The following PTPRN2 variants were observed in gnomAD, a reference collection of about 807,000 sequenced individuals.
PTPRN2 encodes the protein receptor-type tyrosine-protein phosphatase N2.
Under a neutral mutation model 118.8 loss-of-function variants are expected in PTPRN2, and 74 were observed. The observed-to-expected ratio is 0.62, with a 90% confidence interval of 0.52 to 0.76. The LOEUF (loss-of-function observed/expected upper bound fraction) is 0.76, where lower values mean the gene tolerates loss of function less well. Ranked by LOEUF, PTPRN2 falls within the 30% of genes least tolerant of loss-of-function variation. PTPRN2 has a pLI of 0.00. For missense variants in PTPRN2, 1,481 were observed against 1,394.4 expected, an observed-to-expected ratio of 1.06 and a Z score of -0.99; for synonymous variants, 641 against 608.0, an observed-to-expected ratio of 1.05 and a Z score of -0.80.
chr7:158,241,665 A>C (rs1332851401), intron 3 of PTPRN2, among the ~76,000 whole-genome samples: 1 of 152,252 alleles, frequency 6.6e-6, no homozygotes, highest in Non-Finnish European at 1.5e-5. Flanking sequence ...TGTTTTGGGC[A>C]TACCAGGAAA....
chr7:158,047,191 C>T (rs1481386960), intron 11 of PTPRN2, among the ~76,000 whole-genome samples: 1 of 152,204 alleles, frequency 6.6e-6, no homozygotes, highest in Admixed American at 6.5e-5. Context: ...CAGATGAATA[C>T]AACAGTCCCC....
chr7:157,579,109 G>A (rs1392358710), intron 17 of PTPRN2, among the ~76,000 whole-genome samples: 8 of 152,262 alleles, frequency 5.3e-5, no homozygotes, highest in Admixed American at 2.0e-4. Flanking sequence ...TGCTGTCATC[G>A]TAGCGCATGT....
At position 158,587,762 on chromosome 7, in the gene PTPRN2, G is replaced by A. The variant is rs1199411150; in HGVS notation, c.-93C>T. ...GGGCCCAGGGAGGCGCGCGCCGCCGGCTCCTCCCGCCGCGCCTCTCGCGCT... is the reference window on the plus strand; with the variant it reads ...GGGCCCAGGGAGGCGCGCGCCGCCGACTCCTCCCGCCGCGCCTCTCGCGCT... On this transcript the variant is annotated 5_prime_UTR_variant, in exon 1 of 23. Transcript: ENST00000389418. The A allele has an allele frequency of 1.1e-5, 11 of 1,039,108 alleles. No homozygotes were observed. The highest frequency in any genetic ancestry group is 1.3e-5 in the Non-Finnish European group (11 of 866,342). 64.4% of individuals were successfully genotyped at this position (1,039,108 alleles called of 1,614,324 possible).
In PTPRN2 at chr7:158,093,847, T is replaced by A. The variant is rs796254872; in HGVS notation, c.1644-12470A>T. On this transcript the variant is annotated intron_variant, in intron 10 of 22. Transcript: ENST00000389418. This position sits in a 1 kb window ranked among gnomAD's most constrained non-coding sequence, Gnocchi z 4.4. ...AAGAGAGAACCAATTCTTATTTGAA[T>A]GTATGAGGAAACAAAGACACACACA... 1.8e-4 allele frequency among the ~76,000 whole-genome samples: 28 copies of A among 152,284 alleles called. No homozygotes were observed. Among genetic ancestry groups the A allele is most frequent in the African/African-American group, 6.7e-4 (28 of 41,582 alleles).
intron 12 of PTPRN2, among the ~76,000 whole-genome samples, chr7:157,695,337 G>C (rs145077194): frequency 3.3e-5 from 5 of 152,048 alleles, no homozygotes; most frequent in African/African-American, 1.2e-4. Context: ...TGAGACTCTT[G>C]ATTTCAGAAG....
intron 2 of PTPRN2, among the ~76,000 whole-genome samples, chr7:158,478,216 G>C (rs539064125): frequency 6.6e-6 from 1 of 152,216 alleles, no homozygotes; most frequent in Non-Finnish European, 1.5e-5. Flanking sequence ...TGACTGCTAC[G>C]TCTGGTCCCC....
chr7:158,542,622 C>T (rs1826054092), intron 1 of PTPRN2, among the ~76,000 whole-genome samples: 1 of 152,220 alleles, frequency 6.6e-6, no homozygotes, highest in Non-Finnish European at 1.5e-5. Flanking sequence ...CCCAGCGGAG[C>T]AACGCTCAAC....
At chr7:158,231,408 A>G (rs1829156289) in intron 3 of PTPRN2, among the ~76,000 whole-genome samples, 1 of 152,252 alleles carries the variant, frequency 6.6e-6, no homozygotes, top group African/African-American at 2.4e-5. Context: ...AAAAGGGTCA[A>G]TCAGCAAGAG....
intron 3 of PTPRN2, among the ~76,000 whole-genome samples, chr7:158,236,444 G>A (rs1490456754): frequency 6.6e-6 from 1 of 152,194 alleles, no homozygotes; most frequent in Non-Finnish European, 1.5e-5. Context: ...GGGTGGGTAA[G>A]GCTGCCTGGG....
In PTPRN2 at chr7:157,990,093, A is replaced by C. The variant is rs1400084051; in HGVS notation, c.1723+91205T>G. On this transcript the variant is annotated intron_variant, in intron 11 of 22. Coordinates refer to ENST00000389418, the MANE Select transcript of PTPRN2 (RefSeq NM_002847.5). This position sits in a 1 kb window ranked among gnomAD's most constrained non-coding sequence, Gnocchi z 4.3. The stretch of plus-strand genomic sequence containing the variant: ...CCATCCCTCTATGAAGAAAAATGCA[A>C]GTTGCTCTTCTGCGCTCCAAATACA... Among the ~76,000 whole-genome samples, 8 of 152,092 alleles carry C rather than the reference A, an allele frequency of 5.3e-5. No homozygotes were observed. The highest frequency in any genetic ancestry group is 7.3e-5 in the Non-Finnish European group (5 of 68,028).
At chr7:158,252,051 G>A (rs11980111) in intron 3 of PTPRN2, among the ~76,000 whole-genome samples, 1 of 152,140 alleles carries the variant, frequency 6.6e-6, no homozygotes, top group Admixed American at 6.5e-5. Flanking sequence ...TGTGGGACAC[G>A]CCCATTTTAC....
chr7:157,923,417 G>A (rs578257230), intron 11 of PTPRN2, among the ~76,000 whole-genome samples: 3 of 152,338 alleles, frequency 2.0e-5, no homozygotes, highest in South Asian at 2.1e-4. Flanking sequence ...CCACCTGCGC[G>A]CTGGCCTGTG....
chr7:158,570,908 C>G lies in PTPRN2; in HGVS notation c.112+16650G>C, dbSNP rs963249387. On this transcript the variant is annotated intron_variant, in intron 1 of 22. Coordinates refer to ENST00000389418, the MANE Select transcript of PTPRN2 (RefSeq NM_002847.5). This position sits in a 1 kb window ranked among gnomAD's most constrained non-coding sequence, Gnocchi z 4.5. ...ATGGACCTGGTTACCTCTGGCCTTCCTCTGCTCAGAAGCCCACCCCTGCAG... is the reference window on the plus strand; with the variant it reads ...ATGGACCTGGTTACCTCTGGCCTTCGTCTGCTCAGAAGCCCACCCCTGCAG... Among the ~76,000 whole-genome samples, 1 of 152,206 alleles carries G rather than the reference C, an allele frequency of 6.6e-6. No homozygotes were observed.
chr7:158,523,488 G>A (rs1387875974), intron 1 of PTPRN2, among the ~76,000 whole-genome samples: 291 of 88,606 alleles, frequency 3.3e-3, no homozygotes, highest in South Asian at 9.3e-3. Flanking sequence ...GCCCTGGAGT[G>A]GAGTCGTCTG....
intron 19 of PTPRN2, among the ~76,000 whole-genome samples, chr7:157,573,474 C>T (rs1799860174): frequency 6.6e-6 from 1 of 152,200 alleles, no homozygotes; most frequent in South Asian, 2.1e-4. Flanking sequence ...GGGTCCACAC[C>T]CACCAGTCAC....
intron 13 of PTPRN2, 122 bp from the exon 14 acceptor site, chr7:157,656,673 C>A (rs545627550): frequency 2.8e-6 from 3 of 1,057,852 alleles, no homozygotes; most frequent in East Asian, 5.2e-5. Flanking sequence ...TTCAGGCAGG[C>A]GAGAGTTTAC....
At chr7:158,087,625 A>G (rs868781831) in intron 10 of PTPRN2, among the ~76,000 whole-genome samples, 18 of 151,160 alleles carry the variant, frequency 1.2e-4, no homozygotes, top group African/African-American at 4.2e-4. Flanking sequence ...TCCTCCCCTG[A>G]TGAAGGAGGG....
At chr7:158,439,166 T>G (rs1306038599) in intron 2 of PTPRN2, among the ~76,000 whole-genome samples, 1 of 152,200 alleles carries the variant, frequency 6.6e-6, no homozygotes, top group East Asian at 1.9e-4. Flanking sequence ...CTTACACATA[T>G]TGATTGACGT....
At chr7:157,716,203 G>T (rs1798896481) in intron 12 of PTPRN2, among the ~76,000 whole-genome samples, 1 of 152,254 alleles carries the variant, frequency 6.6e-6, no homozygotes, top group Admixed American at 6.5e-5. Flanking sequence ...ATACACCTGA[G>T]TCCTCGTCCT....
Sources: allele counts gnomAD v4.1 joint callset (sites outside exome capture counted in the v4.1 genomes callset), GRCh38; gene constraint gnomAD v4.1.1; non-coding constraint Gnocchi (gnomAD v3.1); transcripts MANE v1.5; gene names NCBI Gene and HGNC (gene_info 2026-07-23, HGNC 2026-07-21).